Variants in CSMD1 observed in about 807,000 individuals in gnomAD.
CSMD1 encodes CUB and sushi domain-containing protein 1.
Under a neutral mutation model 417.5 loss-of-function variants are expected in CSMD1, and 213 were observed. The ratio of observed to expected loss-of-function variants is 0.51; its 90% CI spans 0.46 to 0.57. CSMD1 has a LOEUF of 0.57. CSMD1 is among the 20% of genes least tolerant of loss of function. The pLI, the probability that CSMD1 is intolerant of heterozygous loss-of-function variation, is 0.00. For missense variants in CSMD1, 6,923 were observed against 4,529.7 expected (o/e 1.53, Z -15.17); for synonymous variants, 2,862 against 1,736.8 (o/e 1.65, Z -16.11).
At chr8:3,178,346 G>A (rs1821071933) in intron 37 of CSMD1, among the ~76,000 whole-genome samples, 1 of 151,836 alleles carries the variant, frequency 6.6e-6, no homozygotes, top group South Asian at 2.1e-4. Context: ...TAATGGCCCA[G>A]GTTTTAGAAC....
chr8:4,218,461 G>T (rs1043998954), intron 3 of CSMD1, among the ~76,000 whole-genome samples: 2 of 152,074 alleles, frequency 1.3e-5, no homozygotes, highest in African/African-American at 4.8e-5. Context: ...TATTTTCCAT[G>T]AAAGTCTCAA....
chr8:2,988,650 A>T (rs578041381), intron 54 of CSMD1, among the ~76,000 whole-genome samples: 1 of 152,208 alleles, frequency 6.6e-6, no homozygotes, highest in African/African-American at 2.4e-5. Context: ...CAACTGTATA[A>T]ATTATTTCAT....
At chr8:4,216,078 T>C (rs905314182) in intron 3 of CSMD1, among the ~76,000 whole-genome samples, 2 of 152,228 alleles carry the variant, frequency 1.3e-5, no homozygotes, top group African/African-American at 4.8e-5. Context: ...GGGAGGTCAC[T>C]ATGCTATTTC....
chr8:3,300,957 T>A (rs1353901263), intron 25 of CSMD1, among the ~76,000 whole-genome samples: 8 of 10,078 alleles, frequency 7.9e-4, no homozygotes, highest in Admixed American at 1.5e-3. Flanking sequence ...AGACTCTGTC[T>A]CAAAAAAAAA....
At chr8:4,801,252 T>A (rs563880208) in intron 1 of CSMD1, among the ~76,000 whole-genome samples, 1 of 152,328 alleles carries the variant, frequency 6.6e-6, no homozygotes, top group South Asian at 2.1e-4. Context: ...TCTATGACTT[T>A]CTCAGCATTT....
At chr8:3,392,190 G>A (rs928513779) in intron 17 of CSMD1, among the ~76,000 whole-genome samples, 2 of 151,816 alleles carry the variant, frequency 1.3e-5, no homozygotes, top group African/African-American at 4.8e-5. Flanking sequence ...ACATCAACAT[G>A]GCACATGTAT....
At chr8:4,125,170 T>A (rs552460498) in intron 3 of CSMD1, among the ~76,000 whole-genome samples, 7 of 152,090 alleles carry the variant, frequency 4.6e-5, no homozygotes, top group African/African-American at 1.4e-4. Flanking sequence ...AAAAGGAAGA[T>A]AACTCTTGGG....
chr8:4,906,149 G>C lies in CSMD1; in HGVS notation c.85+88183C>G, dbSNP rs576460738. ...TTTCTAGATGCTACCTGCACTCTTCGCTTCAAAGGAAGTTTCCTGTGAGAA... is the reference window on the plus strand; with the variant it reads ...TTTCTAGATGCTACCTGCACTCTTCCCTTCAAAGGAAGTTTCCTGTGAGAA... On this transcript the variant is annotated intron_variant, in intron 1 of 69. Transcript: ENST00000635120. Among the ~76,000 whole-genome samples, 3 of 152,224 alleles carry C rather than the reference G, an allele frequency of 2.0e-5. No individual in the cohort carries two copies. In the South Asian group the frequency reaches 6.2e-4, roughly 32 times the overall value.
At chr8:4,286,140 T>C (rs1387134550) in intron 3 of CSMD1, among the ~76,000 whole-genome samples, 7 of 152,130 alleles carry the variant, frequency 4.6e-5, no homozygotes, top group Non-Finnish European at 8.8e-5. Flanking sequence ...ATAACGTTTT[T>C]ACGTTCTTTC....
intron 3 of CSMD1, among the ~76,000 whole-genome samples, chr8:4,072,110 C>A (rs541712822): frequency 6.6e-6 from 1 of 152,294 alleles, no homozygotes; most frequent in East Asian, 1.9e-4. Flanking sequence ...ATGGATGATT[C>A]GCTATAGGCT....
chr8:3,302,102 G>C (rs546318008), intron 25 of CSMD1, among the ~76,000 whole-genome samples: 1 of 152,060 alleles, frequency 6.6e-6, no homozygotes, highest in African/African-American at 2.4e-5. Flanking sequence ...AAAGTCTCCC[G>C]CCCCTTGGAG....
At chr8:4,746,573 G>C (rs538314549) in intron 1 of CSMD1, among the ~76,000 whole-genome samples, 1 of 152,172 alleles carries the variant, frequency 6.6e-6, no homozygotes, top group Non-Finnish European at 1.5e-5. Context: ...GAGAATGAAG[G>C]AATGTGATCT....
At chr8:3,542,930 C>T (rs922854283) in intron 10 of CSMD1, among the ~76,000 whole-genome samples, 2 of 150,984 alleles carry the variant, frequency 1.3e-5, no homozygotes, top group African/African-American at 5.0e-5. Flanking sequence ...AGGCAGCTCT[C>T]CTGAGACTTG....
chr8:4,465,152 C>G lies in CSMD1; in HGVS notation c.303-45087G>C, dbSNP rs148641221. Among the ~76,000 whole-genome samples, 1,124 of 152,296 alleles carry G rather than the reference C, an allele frequency of 7.4e-3. 15 individuals are homozygous for G. The highest frequency in any genetic ancestry group is 0.051 in the Middle Eastern group (15 of 294). On this transcript the variant is annotated intron_variant, in intron 2 of 69. Coordinates refer to ENST00000635120, the MANE Select transcript of CSMD1 (RefSeq NM_033225.6). ...TAAGGCTCAGAATATTACCCCCAAA[C>G]TATGTCACTTTATGTCACCAGAGGG...
intron 1 of CSMD1, among the ~76,000 whole-genome samples, chr8:4,717,969 A>G (rs891187516): frequency 2.0e-5 from 3 of 152,198 alleles, no homozygotes; most frequent in Non-Finnish European, 2.9e-5. Flanking sequence ...AAATCTATCA[A>G]ACTTATTTTA....
intron 2 of CSMD1, among the ~76,000 whole-genome samples, chr8:4,574,071 G>C (rs752179173): frequency 4.6e-5 from 7 of 152,074 alleles, no homozygotes; most frequent in Non-Finnish European, 7.4e-5. Context: ...CATGGGGGTG[G>C]GACCCACTGA....
chr8:4,480,201 C>CA lies in CSMD1; in HGVS notation c.303-60137dup, dbSNP rs201805203. ...TTGTTATCTCACAAAAAAAAAAAAA[C>CA]AAAAAAAAACCGAGAAGGAAATTAC... On this transcript the variant is annotated intron_variant, in intron 2 of 69. Transcript: ENST00000635120. Among the ~76,000 whole-genome samples the CA allele has an allele frequency of 8.9e-3, 1,199 of 134,640 alleles. 11 individuals carry two copies. The highest frequency in any genetic ancestry group is 0.015 in the African/African-American group (503 of 34,292). 88.3% of individuals were successfully genotyped at this position (134,640 alleles called of 152,430 possible).
At chr8:4,007,762 T>C (rs542577178) in intron 4 of CSMD1, among the ~76,000 whole-genome samples, 6 of 152,330 alleles carry the variant, frequency 3.9e-5, no homozygotes, top group African/African-American at 1.4e-4. Context: ...CCTCTATTCA[T>C]TTGTCTTTAA....
chr8:3,755,363 C>G (rs1398609662), intron 5 of CSMD1, among the ~76,000 whole-genome samples: 4 of 152,178 alleles, frequency 2.6e-5, no homozygotes, highest in African/African-American at 9.7e-5. Context: ...GTAAATGTAC[C>G]TGAAGCACAT....
Sources: allele counts gnomAD v4.1 joint callset (sites outside exome capture counted in the v4.1 genomes callset), GRCh38; gene constraint gnomAD v4.1.1; transcripts MANE v1.5; gene names NCBI Gene and HGNC (gene_info 2026-07-23, HGNC 2026-07-21).